CDH13: variants seen among roughly 807,000 people sequenced by gnomAD.
CDH13 encodes the protein cadherin-13.
In CDH13, 24 loss-of-function variants were observed where a neutral mutation model predicts 63.8. The observed-to-expected ratio is 0.38, with a 90% CI of 0.27 to 0.53. CDH13 has a LOEUF of 0.53. CDH13 is among the 20% of genes least tolerant of loss of function. The pLI, the probability that CDH13 is intolerant of heterozygous loss-of-function variation, is 0.85. For missense variants in CDH13, 1,049 were observed against 903.1 expected, an observed-to-expected ratio of 1.16 and a Z score of -2.07; for synonymous variants, 503 against 355.3, an observed-to-expected ratio of 1.42 and a Z score of -4.67.
At chr16:83,573,495 T>C (rs998842872) in intron 7 of CDH13, among the ~76,000 whole-genome samples, 3 of 152,224 alleles carry the variant, frequency 2.0e-5, no homozygotes, top group African/African-American at 7.2e-5. Context: ...CTCTTCCCTT[T>C]TTTGTACCCA....
intron 5 of CDH13, among the ~76,000 whole-genome samples, chr16:83,300,401 G>T (rs11866091): frequency 1.3e-5 from 2 of 152,162 alleles, no homozygotes; most frequent in Non-Finnish European, 2.9e-5. Flanking sequence ...ATACAGTTCT[G>T]TGTCAATATT....
At chr16:82,722,751 T>A (rs1307327729) in intron 1 of CDH13, among the ~76,000 whole-genome samples, 1 of 151,898 alleles carries the variant, frequency 6.6e-6, no homozygotes, top group Non-Finnish European at 1.5e-5. Context: ...AGTTCAGGAG[T>A]GAATAATTCA....
At chr16:83,513,830 C>T (rs1055423678) in intron 7 of CDH13, among the ~76,000 whole-genome samples, 1 of 152,122 alleles carries the variant, frequency 6.6e-6, no homozygotes, top group East Asian at 1.9e-4. Context: ...ACAAATGCCA[C>T]CATAATAGGC....
Position 83,103,288 on chromosome 16 carries a change from G to A in CDH13, c.367-22097G>A, listed in dbSNP as rs183321337. On this transcript the variant is annotated intron_variant, in intron 3 of 13. Coordinates refer to ENST00000567109, the MANE Select transcript of CDH13 (RefSeq NM_001257.5). The stretch of plus-strand genomic sequence containing the variant: ...TTGAGACAGTCTGGCTCTGTTGCCC[G>A]GGATGAAGTGCTGTGGCGTGAACTC... 6.0e-3 allele frequency among the ~76,000 whole-genome samples: 674 copies of A among 111,842 alleles called. 2 individuals carry two copies. Among genetic ancestry groups the A allele is most frequent in the African/African-American group, 0.02 (643 of 32,016 alleles). The allele number at this position is 111,842 out of a possible 152,430, so 73.4% of individuals were successfully genotyped here.
intron 13 of CDH13, among the ~76,000 whole-genome samples, chr16:83,789,384 T>A (rs143401557): frequency 1.0e-3 from 150 of 150,514 alleles, no homozygotes; most frequent in African/African-American, 3.6e-3. Flanking sequence ...TCTTGCTCTG[T>A]CACCCAGGCT....
At chr16:83,732,743 C>A (rs982549101) in intron 10 of CDH13, among the ~76,000 whole-genome samples, 1 of 152,174 alleles carries the variant, frequency 6.6e-6, no homozygotes, top group Non-Finnish European at 1.5e-5. Flanking sequence ...TACTTGACAC[C>A]CCTGACCTCA....
intron 6 of CDH13, among the ~76,000 whole-genome samples, chr16:83,348,439 T>G (rs78926471): frequency 6.6e-6 from 1 of 152,372 alleles, no homozygotes; most frequent in African/African-American, 2.4e-5. Flanking sequence ...CACTTTTTTC[T>G]GAGCCTACAT....
chr16:82,981,741 G>T (rs1274104559), intron 2 of CDH13, among the ~76,000 whole-genome samples: 2 of 152,192 alleles, frequency 1.3e-5, no homozygotes, highest in Non-Finnish European at 2.9e-5. Context: ...CACATGGGAT[G>T]CTCACATTCA....
rs1357845080 is a variant in CDH13, at chr16:83,797,690, A to G, written c.*2660A>G. 1.3e-5 allele frequency: 2 copies of G among 152,222 alleles called. No individual in the cohort carries two copies. Among genetic ancestry groups the G allele is most frequent in the African/African-American group, 2.4e-5 (1 of 41,458 alleles). 9.4% of individuals were successfully genotyped at this position (152,222 alleles called of 1,614,324 possible). On this transcript the variant is annotated 3_prime_UTR_variant, in exon 14 of 14. Coordinates refer to ENST00000567109, the MANE Select transcript of CDH13 (RefSeq NM_001257.5). ...TTACCTATGCATTTTATCTGAGTCC[A>G]ACTTATTAAAAAACGAAGTCAAGTA...
rs540179616 is a variant in CDH13, at chr16:83,166,227, C to G, written c.483+40726C>G. Reference sequence around the variant, plus strand: ...AATTCTTGATACTGTAAGTGAATAACCAAGTGCTGCTCTGGTACAATTGAG... The same window carrying G: ...AATTCTTGATACTGTAAGTGAATAAGCAAGTGCTGCTCTGGTACAATTGAG... On this transcript the variant is annotated intron_variant, in intron 4 of 13. Transcript: ENST00000567109. Among the ~76,000 whole-genome samples the G allele has an allele frequency of 3.3e-5, 5 of 152,186 alleles. No homozygotes were observed. The South Asian group carries it at 8.3e-4, about 25-fold the overall frequency.
At chr16:82,676,443 T>C (rs1420858586) in intron 1 of CDH13, among the ~76,000 whole-genome samples, 1 of 150,320 alleles carries the variant, frequency 6.7e-6, no homozygotes. Flanking sequence ...TCCAGTTCTC[T>C]CCCTCTCCAT....
intron 2 of CDH13, among the ~76,000 whole-genome samples, chr16:82,930,170 A>G (rs1209044532): frequency 6.7e-6 from 1 of 149,146 alleles, no homozygotes; most frequent in Admixed American, 6.8e-5. Flanking sequence ...GAGAGATGGC[A>G]TTTTGCCAGT....
chr16:83,272,747 T>A (rs2088863673), intron 5 of CDH13, among the ~76,000 whole-genome samples: 1 of 152,152 alleles, frequency 6.6e-6, no homozygotes, highest in Admixed American at 6.5e-5. Flanking sequence ...TCAGTAGCTT[T>A]CCTTGAAAAC....
At chr16:83,187,421 C>G (rs2038559664) in intron 4 of CDH13, among the ~76,000 whole-genome samples, 1 of 152,068 alleles carries the variant, frequency 6.6e-6, no homozygotes, top group African/African-American at 2.4e-5. Context: ...TTCCCGTCAT[C>G]AGTGATAAAA....
chr16:83,572,874 T>C (rs1278035314), intron 7 of CDH13, among the ~76,000 whole-genome samples: 1 of 152,224 alleles, frequency 6.6e-6, no homozygotes, highest in African/African-American at 2.4e-5. Flanking sequence ...AGTTACGCCT[T>C]TTGTTTTATT....
intron 3 of CDH13, among the ~76,000 whole-genome samples, chr16:83,123,629 C>T (rs13332464): frequency 0.31 from 47,777 of 151,922 alleles, 8,121 homozygotes; most frequent in Middle Eastern, 0.42. Flanking sequence ...AGGTTCATTC[C>T]ATGTCTTTGC....
chr16:82,923,463 G>A (rs2042217441), intron 2 of CDH13, among the ~76,000 whole-genome samples: 1 of 152,198 alleles, frequency 6.6e-6, no homozygotes, highest in African/African-American at 2.4e-5. Context: ...GAAGAGTGAA[G>A]TTTCCATCTC....
intron 2 of CDH13, among the ~76,000 whole-genome samples, chr16:82,982,935 A>G (rs1910472568): frequency 6.6e-6 from 1 of 152,142 alleles, no homozygotes; most frequent in African/African-American, 2.4e-5. Flanking sequence ...ACTCCTTTAA[A>G]TCATAGTTAT....
chr16:83,726,798 A>C (rs1393927685), intron 10 of CDH13, among the ~76,000 whole-genome samples: 5 of 150,704 alleles, frequency 3.3e-5, no homozygotes, highest in African/African-American at 7.4e-5. Context: ...AGATGGCGCC[A>C]CTGCGCTCCA....
Sources: allele counts gnomAD v4.1 joint callset (sites outside exome capture counted in the v4.1 genomes callset), GRCh38; gene constraint gnomAD v4.1.1; transcripts MANE v1.5; gene names NCBI Gene and HGNC (gene_info 2026-07-23, HGNC 2026-07-21).